The following ROBO2 variants were observed in gnomAD, a reference collection of about 807,000 sequenced individuals.
ROBO2 encodes the protein roundabout guidance receptor 2.
A neutral mutation model predicts 160.8 loss-of-function variants in ROBO2; 53 were observed. That is an observed-to-expected ratio of 0.33 (90% CI 0.26 to 0.41). The LOEUF is 0.41. ROBO2 is among the 10% of genes least tolerant of loss of function. The probability of loss-of-function intolerance (pLI) is 1.00; values close to 1 mark genes in which losing one functional copy is unlikely to be tolerated. For missense variants in ROBO2, 1,577 were observed against 1,722.4 expected (o/e 0.92, Z 1.49); for synonymous variants, 664 against 611.7 (o/e 1.09, Z -1.26).
intron 2 of ROBO2, among the ~76,000 whole-genome samples, chr3:76,538,805 C>A (rs979872885): frequency 1.3e-5 from 2 of 152,022 alleles, no homozygotes; most frequent in East Asian, 3.9e-4. Flanking sequence ...CCATGTGTAC[C>A]CAGTATTTAG....
chr3:76,612,304 C>A (rs114260190), intron 2 of ROBO2, among the ~76,000 whole-genome samples: 1,744 of 152,308 alleles, frequency 0.011, 35 homozygotes, highest in African/African-American at 0.039. Flanking sequence ...TCTGATGCTT[C>A]TTTGTTGATT....
At chr3:77,005,847 C>T (rs1285580027) in intron 2 of ROBO2, among the ~76,000 whole-genome samples, 2 of 152,124 alleles carry the variant, frequency 1.3e-5, no homozygotes, top group South Asian at 4.1e-4. Flanking sequence ...TGTGTTTACA[C>T]CAGAATTGGC....
At chr3:75,973,785 A>G (rs895035385) in intron 2 of ROBO2, among the ~76,000 whole-genome samples, 70 of 151,634 alleles carry the variant, frequency 4.6e-4, no homozygotes, top group African/African-American at 1.6e-3. Flanking sequence ...GAAGTTTTAG[A>G]TGGAGTGGCT....
intron 2 of ROBO2, among the ~76,000 whole-genome samples, chr3:76,511,742 C>A (rs1198582041): frequency 1.3e-5 from 2 of 152,076 alleles, no homozygotes; most frequent in Non-Finnish European, 1.5e-5. Flanking sequence ...AGATAATGAA[C>A]AAAGTATAAC....
chr3:77,119,689 A>C (rs1415165809), intron 2 of ROBO2, among the ~76,000 whole-genome samples: 1 of 152,218 alleles, frequency 6.6e-6, no homozygotes, highest in Non-Finnish European at 1.5e-5. Context: ...GTCACAAACT[A>C]TAAAGAGCTG....
At chr3:76,765,589 G>A (rs2061534757) in intron 2 of ROBO2, among the ~76,000 whole-genome samples, 1 of 151,642 alleles carries the variant, frequency 6.6e-6, no homozygotes, top group African/African-American at 2.4e-5. Context: ...ACTCACTGTG[G>A]AGGGAGCCAT....
At chr3:76,677,369 G>A (rs575485104) in intron 2 of ROBO2, among the ~76,000 whole-genome samples, 92 of 152,266 alleles carry the variant, frequency 6.0e-4, no homozygotes, top group Admixed American at 1.8e-3. Flanking sequence ...GTGCACAAGA[G>A]AAGTTAAAAT....
At chr3:77,041,584 T>C (rs1336392289) in intron 1 of ROBO2, among the ~76,000 whole-genome samples, 1 of 152,202 alleles carries the variant, frequency 6.6e-6, no homozygotes, top group East Asian at 1.9e-4. Flanking sequence ...TTTGTTCCGA[T>C]TTGGTTTACT....
At chr3:76,364,612 T>C (rs894195258) in intron 2 of ROBO2, among the ~76,000 whole-genome samples, 6 of 152,092 alleles carry the variant, frequency 3.9e-5, no homozygotes, top group African/African-American at 1.4e-4. Flanking sequence ...ATTATTTGTT[T>C]TATTATTCTT....
chr3:76,541,668 C>T (rs532995488), intron 2 of ROBO2, among the ~76,000 whole-genome samples: 3 of 152,260 alleles, frequency 2.0e-5, no homozygotes, highest in African/African-American at 7.2e-5. Flanking sequence ...AGAGAGGAGG[C>T]GCTTCCCTGG....
chr3:76,038,421 C>G (rs566809213), intron 2 of ROBO2, among the ~76,000 whole-genome samples: 1 of 152,020 alleles, frequency 6.6e-6, no homozygotes, highest in East Asian at 1.9e-4. Flanking sequence ...TAAGGAACAT[C>G]TTAGAATGAG....
At chr3:75,985,431 G>A (rs1401272023) in intron 2 of ROBO2, among the ~76,000 whole-genome samples, 1 of 151,596 alleles carries the variant, frequency 6.6e-6, no homozygotes, top group African/African-American at 2.4e-5. Flanking sequence ...TTGTAAGACA[G>A]TGTTAAATAT....
chr3:76,365,370 T>A (rs2075756191), intron 2 of ROBO2, among the ~76,000 whole-genome samples: 1 of 152,110 alleles, frequency 6.6e-6, no homozygotes, highest in Non-Finnish European at 1.5e-5. Flanking sequence ...TCTGAGCCTT[T>A]AATATGGTAA....
At chr3:77,634,122 A>G (rs1161592234) in intron 23 of ROBO2, 12 of 152,350 alleles carry the variant, frequency 7.9e-5, no homozygotes, top group African/African-American at 2.9e-4. Context: ...CTTTTCCCAG[A>G]ATAAATTTCC....
At position 76,274,081 on chromosome 3, in the gene ROBO2, C is replaced by T. The variant is rs141065739; in HGVS notation, c.109+336479C>T. ...TAATCACTTCTTAAAGGTACCAACT[C>T]TTAATATGTGAGGTGTTACATATGT... On this transcript the variant is annotated intron_variant, in intron 2 of 26. Transcript: ENST00000487694. Among the ~76,000 whole-genome samples the T allele has an allele frequency of 1.5e-3, 229 of 152,276 alleles. 1 individual carries two copies. The highest frequency in any genetic ancestry group is 5.2e-3 in the African/African-American group (217 of 41,556).
intron 2 of ROBO2, among the ~76,000 whole-genome samples, chr3:76,661,558 A>G (rs187283183): frequency 1.6e-4 from 25 of 152,304 alleles, no homozygotes; most frequent in African/African-American, 5.5e-4. Context: ...ACATTGGTTC[A>G]GTCTGGAAAG....
At chr3:76,412,635 G>A (rs185208442) in intron 2 of ROBO2, among the ~76,000 whole-genome samples, 14 of 152,304 alleles carry the variant, frequency 9.2e-5, no homozygotes, top group Admixed American at 2.0e-4. Context: ...GCAATCAAAT[G>A]TTAAAGCTCC....
intron 2 of ROBO2, among the ~76,000 whole-genome samples, chr3:76,469,708 C>A (rs1001801592): frequency 3.9e-5 from 6 of 152,100 alleles, no homozygotes; most frequent in African/African-American, 1.4e-4. Flanking sequence ...TGAAATCCCT[C>A]TAGTTAGTCA....
At chr3:76,064,074 C>T (rs967266992) in intron 2 of ROBO2, among the ~76,000 whole-genome samples, 1 of 152,148 alleles carries the variant, frequency 6.6e-6, no homozygotes. Flanking sequence ...AAGCTGAATT[C>T]TGCCATCAAT....
Sources: allele counts gnomAD v4.1 joint callset (sites outside exome capture counted in the v4.1 genomes callset), GRCh38; gene constraint gnomAD v4.1.1; transcripts MANE v1.5; gene names NCBI Gene and HGNC (gene_info 2026-07-23, HGNC 2026-07-21).